The following NT5C3A variants were observed in gnomAD, a reference collection of about 807,000 sequenced individuals.
The protein encoded by NT5C3A is 5'-nucleotidase, cytosolic IIIA.
In NT5C3A, 23 loss-of-function variants were observed where a neutral mutation model predicts 40.0. The ratio of observed to expected loss-of-function variants is 0.58; its 90% CI spans 0.41 to 0.81. The LOEUF (loss-of-function observed/expected upper bound fraction) is 0.81. NT5C3A is among the 40% of genes least tolerant of loss of function. NT5C3A has a pLI of 0.00. For missense variants in NT5C3A, 328 were observed against 403.0 expected, an observed-to-expected ratio of 0.81 and a Z score of 1.59; for synonymous variants, 130 against 141.4, an observed-to-expected ratio of 0.92 and a Z score of 0.57.
chr7:33,018,857 T>C (rs10951369), intron 6 of NT5C3A, among the ~76,000 whole-genome samples: 127,576 of 151,864 alleles, frequency 0.84, 54,090 homozygotes, highest in African/African-American at 0.96. Context: ...AAAAAAAAGC[T>C]TCTTGTATCT....
At chr7:33,061,886 A>G (rs1166313342) in intron 1 of NT5C3A, among the ~76,000 whole-genome samples, 1 of 152,230 alleles carries the variant, frequency 6.6e-6, no homozygotes, top group African/African-American at 2.4e-5. Context: ...ATGTATCTCA[A>G]AGGGAATTCT....
chr7:33,024,606 T>C (rs573926691), intron 2 of NT5C3A, among the ~76,000 whole-genome samples: 2 of 152,306 alleles, frequency 1.3e-5, no homozygotes, highest in South Asian at 4.1e-4. Flanking sequence ...ATGAAAATAC[T>C]GTTAGAAGGA....
chr7:33,046,249 A>C (rs1270286244), intron 1 of NT5C3A, among the ~76,000 whole-genome samples: 1 of 152,212 alleles, frequency 6.6e-6, no homozygotes, highest in African/African-American at 2.4e-5. Context: ...ACTTTGCAAA[A>C]ATCTAGGCCT....
intron 1 of NT5C3A, among the ~76,000 whole-genome samples, chr7:33,032,431 A>G (rs1252819817): frequency 6.6e-6 from 1 of 150,682 alleles, no homozygotes; most frequent in African/African-American, 2.4e-5. Context: ...TCCAAAAAAA[A>G]AAAAAAAAAA....
chr7:33,051,884 T>TA (rs1480593718), intron 1 of NT5C3A, among the ~76,000 whole-genome samples: 1 of 152,206 alleles, frequency 6.6e-6, no homozygotes, highest in Non-Finnish European at 1.5e-5. Flanking sequence ...CAACACACTT[T>TA]AAAAAATCTT....
intron 1 of NT5C3A, among the ~76,000 whole-genome samples, chr7:33,050,223 T>C (rs574769061): frequency 6.6e-6 from 1 of 152,298 alleles, no homozygotes; most frequent in East Asian, 1.9e-4. Context: ...CTCTAAATTT[T>C]AGTTTTTCCC....
intron 1 of NT5C3A, among the ~76,000 whole-genome samples, chr7:33,051,850 T>C (rs1787380574): frequency 6.6e-6 from 1 of 152,210 alleles, no homozygotes; most frequent in African/African-American, 2.4e-5. Context: ...CTTATACTAA[T>C]AGAGATGTTC....
At chr7:33,030,539 A>G (rs1786188889) in intron 1 of NT5C3A, among the ~76,000 whole-genome samples, 1 of 152,230 alleles carries the variant, frequency 6.6e-6, no homozygotes, top group South Asian at 2.1e-4. Flanking sequence ...AAGAGAACAA[A>G]TTCATTTTAT....
chr7:33,017,789 T>G (rs1351132671), intron 6 of NT5C3A, among the ~76,000 whole-genome samples, 188 bp from the exon 7 acceptor site: 1 of 152,258 alleles, frequency 6.6e-6, no homozygotes, highest in Non-Finnish European at 1.5e-5. Context: ...CAGTTAACTC[T>G]TTACTTTCCC....
At chr7:33,043,839 G>A (rs1787029652) in intron 1 of NT5C3A, among the ~76,000 whole-genome samples, 2 of 152,106 alleles carry the variant, frequency 1.3e-5, no homozygotes, top group East Asian at 1.9e-4. Context: ...CATGTATCAA[G>A]CACTTTCTTG....
Position 33,038,650 on chromosome 7 carries a change from T to C in NT5C3A, c.139-11735A>G, listed in dbSNP as rs183461677. 2.4e-3 allele frequency among the ~76,000 whole-genome samples: 364 copies of C among 152,270 alleles called. 2 individuals carry two copies. In the Middle Eastern group the frequency reaches 0.048, roughly 20 times the overall value. ...CTCACATAAAGTGATACTGCAGTCC[T>C]TATACAAAAATTACTCTAAGGTCTT... On this transcript the variant is annotated intron_variant, in intron 1 of 8. Transcript: ENST00000610140.
In NT5C3A at chr7:33,062,681, C is replaced by G. The variant is rs757374520; in HGVS notation, c.25G>C (p.Val9Leu). 2 of 1,575,430 alleles carry G rather than the reference C, an allele frequency of 1.3e-6. No homozygotes were observed. Among genetic ancestry groups the G allele is most frequent in the African/African-American group, 2.7e-5 (2 of 73,528 alleles). MDRAAVARVGAVASASVCA... is the reference protein window; with the variant it reads MDRAAVARLGAVASASVCA... ...ACGCTGGCGCTCGCTACCGCGCCCA[C>G]CCTCGCCACGGCCGCGCGGTCCATG... The change falls in exon 1 of 9, where the codon GTG becomes CTG. Residue 9 changes from valine to leucine, a missense_variant. Physicochemically the swap from Val to Leu is conservative, Grantham distance 32. Around this residue, in one of 3 missense-constraint regions of NT5C3A, gnomAD observed 280 missense variants for 317.2 expected, o/e 0.88. Transcript: ENST00000610140.
chr7:33,035,888 A>G (rs1214458834), intron 1 of NT5C3A: 6 of 1,474,820 alleles, frequency 4.1e-6, no homozygotes, highest in Non-Finnish European at 5.7e-6. Flanking sequence ...AAAAGTGGTG[A>G]AGATTTACCA....
chr7:33,035,640 C>A (rs1786556551), intron 1 of NT5C3A, among the ~76,000 whole-genome samples: 1 of 152,156 alleles, frequency 6.6e-6, no homozygotes, highest in Admixed American at 6.5e-5. Context: ...TAATGTATTT[C>A]ACACTGTACG....
chr7:33,014,700 A>C lies in NT5C3A; in HGVS notation c.*30T>G, dbSNP rs372312107. ...GGATGAACAGTTCAATTGCACCCAC[A>C]GGAGAGAGGTCTTCTTGGAGAATGC... On this transcript the variant is annotated 3_prime_UTR_variant, in exon 9 of 9. Transcript: ENST00000610140. 6.2e-7 allele frequency: 1 copy of C among 1,608,968 alleles called. No homozygotes were observed. The highest frequency in any genetic ancestry group is 8.5e-7 in the Non-Finnish European group (1 of 1,177,996).
At chr7:33,035,460 T>C (rs935762046) in intron 1 of NT5C3A, among the ~76,000 whole-genome samples, 1 of 152,170 alleles carries the variant, frequency 6.6e-6, no homozygotes, top group African/African-American at 2.4e-5. Context: ...CCCAAAGTGC[T>C]GGGATTACAG....
chr7:33,026,174 TACTC>T (rs1298568740), intron 2 of NT5C3A, among the ~76,000 whole-genome samples: 1 of 150,024 alleles, frequency 6.7e-6, no homozygotes, highest in Non-Finnish European at 1.5e-5. Flanking sequence ...AACAGAGTAA[TACTC>T]AGTCTCAAAA....
intron 1 of NT5C3A, among the ~76,000 whole-genome samples, chr7:33,055,557 TA>T (rs1787537889): frequency 6.6e-6 from 1 of 152,170 alleles, no homozygotes; most frequent in Admixed American, 6.5e-5. Context: ...TTGACTGAAA[TA>T]GGTATTTTCT....
chr7:33,062,052 T>C (rs1460739228), intron 1 of NT5C3A, among the ~76,000 whole-genome samples: 1 of 152,160 alleles, frequency 6.6e-6, no homozygotes. Context: ...TGGATTGCCA[T>C]TCTTGTAAAA....
Sources: allele counts gnomAD v4.1 joint callset (sites outside exome capture counted in the v4.1 genomes callset), GRCh38; gene constraint gnomAD v4.1.1; regional missense constraint gnomAD v4.1.1; transcripts MANE v1.5; gene names NCBI Gene and HGNC (gene_info 2026-07-23, HGNC 2026-07-21).